PKM: variants seen among roughly 807,000 people sequenced by gnomAD.
PKM encodes the protein pyruvate kinase PKM.
PKM carries 18 observed loss-of-function variants against 49.8 expected under a neutral mutation model. That is an observed-to-expected ratio of 0.36 (90% CI 0.25 to 0.54). The LOEUF (loss-of-function observed/expected upper bound fraction) is 0.54, where lower values mean the gene tolerates loss of function less well. Among genes scored for constraint, PKM ranks in the 20% least tolerant of loss-of-function variants. PKM has a pLI of 0.89. For missense variants in PKM, 508 were observed against 713.8 expected (o/e 0.71, Z 3.28); for synonymous variants, 239 against 261.8 (o/e 0.91, Z 0.84).
chr15:72,229,538 T>C, intron 1 of PKM: 2 of 1,285,234 alleles, frequency 1.6e-6, no homozygotes, highest in South Asian at 1.2e-5. Context: ...AGCCAAGGGA[T>C]GCCCTTACAT....
At chr15:72,215,626 G>GCT (rs2082360340) in intron 3 of PKM, among the ~76,000 whole-genome samples, 1 of 152,226 alleles carries the variant, frequency 6.6e-6, no homozygotes, top group Non-Finnish European at 1.5e-5. Context: ...ATCGGAGCCA[G>GCT]CTCTCATCCA....
rs772575257 is a variant in PKM at position 72,199,718 on chromosome 15, T to G, written c.1528A>C (p.Ile510Leu). 6.2e-7 allele frequency: 1 copy of G among 1,614,058 alleles called. No individual in the cohort carries two copies. Residue 510 changes from isoleucine to leucine, a missense_variant, in exon 11 of 11, where the codon ATT becomes CTT. Physicochemically the swap from Ile to Leu is conservative, Grantham distance 5. Coordinates refer to ENST00000335181, the MANE Select transcript of PKM (RefSeq NM_002654.6). Reference sequence around the variant, plus strand: ...CCAGGGCGCCATCCGGTCAGCACAATGACCACATCTCCCTTCTTGAAGAAG... The same window carrying G: ...CCAGGGCGCCATCCGGTCAGCACAAGGACCACATCTCCCTTCTTGAAGAAG... ...RGFFKKGDVV[I>L]VLTGWRPGSG...
At chr15:72,215,334 C>T (rs1170169810) in intron 3 of PKM, among the ~76,000 whole-genome samples, 1 of 152,128 alleles carries the variant, frequency 6.6e-6, no homozygotes, top group Non-Finnish European at 1.5e-5. Context: ...AAGTACGCCC[C>T]AGCCCCTAGT....
chr15:72,210,536 T>G (rs1227951303), intron 3 of PKM, 58 bp from the exon 4 acceptor site: 47 of 1,605,570 alleles, frequency 2.9e-5, no homozygotes, highest in Non-Finnish European at 3.8e-5. Flanking sequence ...CAGCTCCAAT[T>G]CCCCTGCCCA....
chr15:72,206,759 T>C lies in PKM; in HGVS notation c.1109A>G (p.Tyr370Cys), dbSNP rs764993730. ...CTGCATGCGCACAGCCTCCAGAGGA[T>C]AGTCCCCTTTGGCTGTTTCTCCAGA... ...MLSGETAKGD[Y>C]PLEAVRMQHL... The change falls in exon 8 of 11, where the codon TAT becomes TGT. Residue 370 changes from tyrosine (Y) to cysteine (C), a missense_variant. Tyr to Cys is a radical substitution (Grantham distance 194). Coordinates refer to ENST00000335181, the MANE Select transcript of PKM (RefSeq NM_002654.6). 6.2e-7 allele frequency: 1 copy of C among 1,613,804 alleles called. No individual in the cohort carries two copies. Among genetic ancestry groups the C allele is most frequent in the Non-Finnish European group, 8.5e-7 (1 of 1,180,020 alleles).
rs750629763 is a variant in PKM at position 72,210,356 on chromosome 15, G to A, written c.369C>T (p.Leu123=). Residue 123 remains leucine, a synonymous_variant, in exon 4 of 11, where the codon CTC becomes CTT. Coordinates refer to ENST00000335181, the MANE Select transcript of PKM (RefSeq NM_002654.6). The part of the protein sequence containing the change: ...DTKGPEIRTG[L]IKGSGTAEVE... ...TCCGCAGAATACTCACGCCCTTGAT[G>A]AGCCCAGTTCGGATCTCAGGTCCTT... 7 of 1,613,984 alleles carry A rather than the reference G, an allele frequency of 4.3e-6. No homozygotes were observed. The Admixed American group carries it at 1.0e-4, about 23-fold the overall frequency.
chr15:72,218,499 G>A (rs1567125049), intron 2 of PKM, among the ~76,000 whole-genome samples: 1 of 151,818 alleles, frequency 6.6e-6, no homozygotes, highest in Non-Finnish European at 1.5e-5. Context: ...ATGGCTCACT[G>A]CAACTTCAAT....
intron 3 of PKM, among the ~76,000 whole-genome samples, chr15:72,211,165 A>T (rs2082242557): frequency 2.6e-5 from 4 of 151,038 alleles, no homozygotes; most frequent in Admixed American, 2.6e-4. Flanking sequence ...TCCCAGGTTC[A>T]CGCCATTCTC....
Position 72,200,261 on chromosome 15 carries a change from C to T in PKM, c.1489+213G>A, listed in dbSNP as rs907115008. On this transcript the variant is annotated intron_variant, in intron 10 of 10. Coordinates refer to ENST00000335181, the MANE Select transcript of PKM (RefSeq NM_002654.6). This position sits in a 1 kb window ranked among gnomAD's most constrained non-coding sequence, Gnocchi z 4.6. ...TGCTCAGCCCTACAACTCAAAGGAC[C>T]CTTTTCCCTCCTGGCTCAGCTTAGG... is the stretch of plus-strand genomic sequence containing the variant. 3.3e-5 allele frequency among the ~76,000 whole-genome samples: 5 copies of T among 152,198 alleles called. No homozygotes were observed. Among genetic ancestry groups the T allele is most frequent in the African/African-American group, 7.2e-5 (3 of 41,436 alleles).
chr15:72,225,035 C>CCT (rs2082629167), intron 1 of PKM, among the ~76,000 whole-genome samples: 1 of 148,912 alleles, frequency 6.7e-6, no homozygotes, highest in Non-Finnish European at 1.5e-5. Flanking sequence ...CATTCTCCTG[C>CCT]CTCAGCCTCC....
intron 3 of PKM, among the ~76,000 whole-genome samples, chr15:72,212,746 A>G (rs1048397710): frequency 1.3e-5 from 2 of 152,130 alleles, no homozygotes; most frequent in Non-Finnish European, 2.9e-5. Context: ...GGAAGGCTCT[A>G]TATTTAGCTA....
intron 2 of PKM, among the ~76,000 whole-genome samples, chr15:72,217,904 T>G (rs1482396193): frequency 1.3e-5 from 2 of 152,230 alleles, no homozygotes; most frequent in South Asian, 4.1e-4. Flanking sequence ...GCCTATAGCA[T>G]AAAACCTAAA....
intron 1 of PKM, chr15:72,228,587 T>A (rs1318425968): frequency 1.6e-6 from 2 of 1,245,042 alleles, no homozygotes; most frequent in Non-Finnish European, 2.1e-6. Flanking sequence ...CCAGCGAAGA[T>A]AATTCTCTCA....
chr15:72,228,864 A>G (rs2098498369), intron 1 of PKM, among the ~76,000 whole-genome samples: 1 of 152,172 alleles, frequency 6.6e-6, no homozygotes, highest in African/African-American at 2.4e-5. Flanking sequence ...TAATCTCACC[A>G]GCAGGCAGAG....
intron 1 of PKM, among the ~76,000 whole-genome samples, chr15:72,220,053 C>A (rs984597368): frequency 2.6e-5 from 4 of 152,182 alleles, no homozygotes; most frequent in Admixed American, 6.5e-5. Flanking sequence ...TGATTAGAGA[C>A]AAAAACTCAG....
chr15:72,216,923 G>T (rs1157687928), intron 3 of PKM, among the ~76,000 whole-genome samples: 1 of 152,224 alleles, frequency 6.6e-6, no homozygotes, highest in African/African-American at 2.4e-5. Context: ...ACCCCAGATA[G>T]TGCTTATGCA....
intron 3 of PKM, among the ~76,000 whole-genome samples, chr15:72,212,203 G>A (rs1045851829): frequency 4.4e-4 from 67 of 152,302 alleles, no homozygotes; most frequent in Admixed American, 4.6e-4. Flanking sequence ...GAGGCTGGGC[G>A]CGGTGGCTCA....
chr15:72,207,397 C>T, intron 6 of PKM, 120 bp from the exon 7 acceptor site: 1 of 893,952 alleles, frequency 1.1e-6, no homozygotes, highest in Non-Finnish European at 1.8e-6. Context: ...GACAGACATC[C>T]ATGATATCAT....
In PKM at chr15:72,207,287, A is replaced by T; in HGVS notation, c.837-10T>A. 6.2e-7 allele frequency: 1 copy of T among 1,613,840 alleles called. No individual in the cohort carries two copies. Among genetic ancestry groups the T allele is most frequent in the Non-Finnish European group, 8.5e-7 (1 of 1,179,688 alleles). On this transcript the variant is annotated splice_polypyrimidine_tract_variant and intron_variant, in intron 6 of 10. Coordinates refer to ENST00000335181, the MANE Select transcript of PKM (RefSeq NM_002654.6). ...CAGGATTTCATCAAACCTGATGGAC[A>T]AAGTTGGGGGGAGAGAGGTTATATA...
Sources: allele counts gnomAD v4.1 joint callset (sites outside exome capture counted in the v4.1 genomes callset), GRCh38; gene constraint gnomAD v4.1.1; non-coding constraint Gnocchi (gnomAD v3.1); transcripts MANE v1.5; gene names NCBI Gene and HGNC (gene_info 2026-07-23, HGNC 2026-07-21).